The following DOCK4 variants were observed in gnomAD, a reference collection of about 807,000 sequenced individuals.
The protein encoded by DOCK4 is dedicator of cytokinesis protein 4.
Under a neutral mutation model 268.1 loss-of-function variants are expected in DOCK4, and 97 were observed. The observed-to-expected ratio is 0.36, with a 90% confidence interval of 0.31 to 0.43. The LOEUF (loss-of-function observed/expected upper bound fraction) is 0.43. Ranked by LOEUF, DOCK4 falls within the 20% of genes least tolerant of loss-of-function variation. The probability of loss-of-function intolerance (pLI) is 1.00; values close to 1 mark genes in which losing one functional copy is unlikely to be tolerated. For synonymous variants in DOCK4, 954 were observed against 887.2 expected (o/e 1.08, Z -1.34); for missense variants, 2,145 against 2,455.7 (o/e 0.87, Z 2.67).
At chr7:111,913,510 C>T (rs535429051) in intron 13 of DOCK4, among the ~76,000 whole-genome samples, 12 of 150,142 alleles carry the variant, frequency 8.0e-5, no homozygotes, top group African/African-American at 2.7e-4. Flanking sequence ...CCCGGGTTCA[C>T]GCCATTCTCC....
At chr7:112,199,755 T>C (rs980474657) in intron 1 of DOCK4, among the ~76,000 whole-genome samples, 1 of 152,222 alleles carries the variant, frequency 6.6e-6, no homozygotes, top group Non-Finnish European at 1.5e-5. Flanking sequence ...CAGTAAACCA[T>C]TATCTTTACT....
intron 1 of DOCK4, among the ~76,000 whole-genome samples, chr7:112,024,714 TC>T (rs1802621892): frequency 6.6e-6 from 1 of 152,180 alleles, no homozygotes; most frequent in African/African-American, 2.4e-5. Context: ...CCAGAGTGGT[TC>T]TTCTAAAACT....
intron 1 of DOCK4, among the ~76,000 whole-genome samples, chr7:112,066,995 C>A (rs28534833): frequency 0.22 from 32,618 of 148,942 alleles, 6,024 homozygotes; most frequent in African/African-American, 0.49. Flanking sequence ...CACACACACA[C>A]AAAAAAACCA....
At chr7:111,945,528 A>G (rs189939832) in intron 9 of DOCK4, among the ~76,000 whole-genome samples, 189 bp downstream of exon 9, 1 of 152,352 alleles carries the variant, frequency 6.6e-6, no homozygotes, top group Admixed American at 6.5e-5. Flanking sequence ...AAGCAGTAAT[A>G]CACTAAAGGA....
At chr7:111,872,916 C>T (rs74589986) in intron 17 of DOCK4, among the ~76,000 whole-genome samples, 2,047 of 152,264 alleles carry the variant, frequency 0.013, 53 homozygotes, top group African/African-American at 0.047. Context: ...AGGCAGGTGA[C>T]AAATATTTGT....
chr7:112,044,596 C>G (rs1275514172), intron 1 of DOCK4, among the ~76,000 whole-genome samples: 2 of 152,128 alleles, frequency 1.3e-5, no homozygotes, highest in African/African-American at 4.8e-5. Context: ...GTCCTTCAAA[C>G]ATAGCAGGTC....
In DOCK4 at chr7:111,742,039, C is replaced by T. The variant is rs376404769; in HGVS notation, c.4771G>A (p.Val1591Met). 115 of 1,606,390 alleles carry T rather than the reference C, an allele frequency of 7.2e-5. No homozygotes were observed. The highest frequency in any genetic ancestry group is 9.6e-5 in the Non-Finnish European group (113 of 1,176,726). The change falls in exon 45 of 53, where the codon GTG becomes ATG. Residue 1591 changes from valine (V) to methionine (M), a missense_variant. This residue lies in a region of DOCK4 where 1,598 missense variants were observed against 1,986.7 expected (regional missense o/e 0.80). Transcript: ENST00000428084. ...TGTATCCCTAAGCTCGACTTCATCA[C>T]AAAGAATTGGTCAACCAGCTTTTTG... ...LHKKLVDQFF[V>M]MKSSLGIQEF...
intron 12 of DOCK4, among the ~76,000 whole-genome samples, chr7:111,923,494 G>A (rs1438318605): frequency 6.6e-6 from 1 of 152,134 alleles, no homozygotes; most frequent in Non-Finnish European, 1.5e-5. Flanking sequence ...GTGTTCTGCA[G>A]TTTCACCATA....
intron 1 of DOCK4, among the ~76,000 whole-genome samples, chr7:112,066,521 T>TAC (rs1270701530): frequency 6.0e-5 from 9 of 149,002 alleles, no homozygotes; most frequent in East Asian, 4.0e-4. Context: ...TCTATATATA[T>TAC]ACACACACAC....
intron 1 of DOCK4, among the ~76,000 whole-genome samples, chr7:112,193,304 A>C (rs1158323126): frequency 6.6e-6 from 1 of 152,206 alleles, no homozygotes; most frequent in Non-Finnish European, 1.5e-5. Context: ...ACCATCAAAA[A>C]ATCTAACTCA....
At chr7:111,980,713 C>T (rs1441409018) in intron 7 of DOCK4, among the ~76,000 whole-genome samples, 1 of 152,136 alleles carries the variant, frequency 6.6e-6, no homozygotes, top group African/African-American at 2.4e-5. Context: ...CCTGTTGTGA[C>T]AACGAAAAAT....
chr7:111,862,506 T>C (rs1393869106), intron 23 of DOCK4, among the ~76,000 whole-genome samples: 6 of 88,400 alleles, frequency 6.8e-5, no homozygotes, highest in Non-Finnish European at 1.3e-4. Context: ...TTTTTTTTTT[T>C]TTGAGACAGA....
At chr7:111,877,574 T>C (rs115685431) in intron 16 of DOCK4, among the ~76,000 whole-genome samples, 1 of 152,222 alleles carries the variant, frequency 6.6e-6, no homozygotes, top group African/African-American at 2.4e-5. Context: ...GTGACCATAG[T>C]ATTTTTTTCA....
intron 12 of DOCK4, among the ~76,000 whole-genome samples, chr7:111,934,523 G>GTTTTTTTTTTT (rs1183672033): frequency 7.8e-3 from 652 of 83,696 alleles, no homozygotes; most frequent in Non-Finnish European, 0.013. Context: ...TTTTGTTTTT[G>GTTTTTTTTTTT]TTTTTTTTTT....
chr7:111,741,976 T>C, intron 45 of DOCK4, 37 bp downstream of exon 45: 1 of 1,525,500 alleles, frequency 6.6e-7, no homozygotes, highest in Non-Finnish European at 8.8e-7. Flanking sequence ...ACGGCAGTGA[T>C]CAGGCTGCCC....
intron 26 of DOCK4, among the ~76,000 whole-genome samples, chr7:111,830,964 T>C (rs1196008844): frequency 6.6e-6 from 1 of 152,118 alleles, no homozygotes; most frequent in Non-Finnish European, 1.5e-5. Flanking sequence ...CTTAGGATTC[T>C]ATGTAGGTCC....
At chr7:111,868,288 C>G in intron 21 of DOCK4, 134 bp from the exon 22 acceptor site, 1 of 570,218 alleles carries the variant, frequency 1.8e-6, no homozygotes, top group Non-Finnish European at 2.8e-6. Flanking sequence ...CCTTGTGAGG[C>G]TTTTTTGAAC....
chr7:111,813,881 T>C (rs1185403835), intron 27 of DOCK4, among the ~76,000 whole-genome samples: 3 of 152,336 alleles, frequency 2.0e-5, no homozygotes, highest in Non-Finnish European at 2.9e-5. Context: ...AGGAAGTTGT[T>C]CTTGCCTAGC....
At chr7:112,095,838 T>C (rs565521156) in intron 1 of DOCK4, among the ~76,000 whole-genome samples, 33 of 152,250 alleles carry the variant, frequency 2.2e-4, no homozygotes, top group African/African-American at 7.7e-4. Flanking sequence ...TCCCAGCATT[T>C]TGGGAGGCTG....
Sources: gnomAD v4.1 joint callset for allele counts (sites outside exome capture counted in the v4.1 genomes callset) on GRCh38, gnomAD v4.1.1 for gene constraint, gnomAD v4.1.1 regional missense constraint, MANE v1.5 for transcripts, NCBI Gene and HGNC (gene_info 2026-07-23, HGNC 2026-07-21) for gene names.